The following CDKN2B-AS1 variants were observed in gnomAD, a reference collection of about 807,000 sequenced individuals.
CDKN2B-AS1 encodes CDKN2B antisense RNA 1 (non-protein coding).
intron 4 of CDKN2B-AS1, among the ~76,000 whole-genome samples, chr9:22,076,819 A>T (rs1425504068): frequency 6.6e-6 from 1 of 152,176 alleles, no homozygotes; most frequent in Non-Finnish European, 1.5e-5. Context: ...GAGCCTTGCG[A>T]GTAGCTGGGA....
intron 4 of CDKN2B-AS1, among the ~76,000 whole-genome samples, chr9:22,084,108 C>A (rs186273759): frequency 2.0e-5 from 3 of 152,100 alleles, no homozygotes; most frequent in Admixed American, 1.3e-4. Flanking sequence ...TTCACACCAA[C>A]AATTGTTAAA....
At chr9:22,068,548 T>C (rs2131310739) in intron 4 of CDKN2B-AS1, among the ~76,000 whole-genome samples, 1 of 152,128 alleles carries the variant, frequency 6.6e-6, no homozygotes, top group Non-Finnish European at 1.5e-5. Flanking sequence ...ATCTAAAAGG[T>C]GTAGTTTCTG....
At chr9:22,017,421 A>G (rs1341011921) in intron 1 of CDKN2B-AS1, among the ~76,000 whole-genome samples, 1 of 152,214 alleles carries the variant, frequency 6.6e-6, no homozygotes, top group Non-Finnish European at 1.5e-5. Context: ...CACAAACCCA[A>G]CTGAATTCGG....
intron 4 of CDKN2B-AS1, among the ~76,000 whole-genome samples, chr9:22,124,951 G>A (rs1587558492): frequency 6.6e-6 from 1 of 152,334 alleles, no homozygotes; most frequent in South Asian, 2.1e-4. Flanking sequence ...ACACATACTA[G>A]CATAAAACAT....
At chr9:22,008,643 G>T in intron 1 of CDKN2B-AS1, 1 of 1,597,296 alleles carries the variant, frequency 6.3e-7, no homozygotes, top group Non-Finnish European at 8.5e-7. Flanking sequence ...TTTTTGCTGG[G>T]TAAAAGCCTG....
At chr9:22,017,635 C>G (rs1270034437) in intron 1 of CDKN2B-AS1, among the ~76,000 whole-genome samples, 2 of 152,112 alleles carry the variant, frequency 1.3e-5, no homozygotes, top group East Asian at 1.9e-4. Flanking sequence ...GCTTGTGTAC[C>G]TTGTCACATC....
intron 4 of CDKN2B-AS1, among the ~76,000 whole-genome samples, chr9:22,096,023 C>T (rs1418492859): frequency 6.6e-6 from 1 of 152,062 alleles, no homozygotes; most frequent in East Asian, 1.9e-4. Context: ...CAAAAAGCTT[C>T]TCCCCCGTGG....
At chr9:22,103,137 G>A (rs1359479988) in intron 4 of CDKN2B-AS1, among the ~76,000 whole-genome samples, 1 of 108,042 alleles carries the variant, frequency 9.3e-6, no homozygotes, top group Admixed American at 8.9e-5. Context: ...ACAGATGTGT[G>A]TGTGTGTGTG....
At chr9:22,068,538 A>G (rs1563960750) in intron 4 of CDKN2B-AS1, among the ~76,000 whole-genome samples, 1 of 152,170 alleles carries the variant, frequency 6.6e-6, no homozygotes, top group African/African-American at 2.4e-5. Context: ...TACAGAAGGA[A>G]TCTAAAAGGT....
At chr9:22,089,930 A>G (rs1825010015) in intron 4 of CDKN2B-AS1, among the ~76,000 whole-genome samples, 1 of 148,786 alleles carries the variant, frequency 6.7e-6, no homozygotes, top group African/African-American at 2.5e-5. Context: ...GCACCCAGTA[A>G]CTCGTCATTT....
chr9:22,034,777 G>T (rs1472369645), intron 1 of CDKN2B-AS1, among the ~76,000 whole-genome samples: 1 of 152,082 alleles, frequency 6.6e-6, no homozygotes, highest in Non-Finnish European at 1.5e-5. Flanking sequence ...TTGTAATAAA[G>T]ACTCACCCAT....
chr9:22,014,624 T>A (rs2131207116), intron 1 of CDKN2B-AS1, among the ~76,000 whole-genome samples: 1 of 152,220 alleles, frequency 6.6e-6, no homozygotes, highest in African/African-American at 2.4e-5. Context: ...TTATTATTAT[T>A]ATACTTTAAG....
chr9:22,003,762 T>G (rs966918523), intron 1 of CDKN2B-AS1: 6 of 232,250 alleles, frequency 2.6e-5, no homozygotes, highest in African/African-American at 1.3e-4. Flanking sequence ...GGGGGGGTTA[T>G]TCTCCATATT....
At chr9:22,118,966 T>C (rs1317269845) in intron 4 of CDKN2B-AS1, 1 of 152,194 alleles carries the variant, frequency 6.6e-6, no homozygotes, top group Non-Finnish European at 1.5e-5. Flanking sequence ...TATCTGACCA[T>C]TGTACTTAGG....
At chr9:22,077,660 T>G (rs981073144) in intron 4 of CDKN2B-AS1, 1 of 152,230 alleles carries the variant, frequency 6.6e-6, no homozygotes, top group South Asian at 2.1e-4. Context: ...TTGGTCACAT[T>G]TAGCTCCTTT....
At chr9:22,104,746 C>T (rs1016744609) in intron 4 of CDKN2B-AS1, among the ~76,000 whole-genome samples, 1 of 152,046 alleles carries the variant, frequency 6.6e-6, no homozygotes, top group Admixed American at 6.5e-5. Context: ...TTCTAGGTGC[C>T]AGGCATTGAA....
intron 1 of CDKN2B-AS1, among the ~76,000 whole-genome samples, chr9:22,036,971 C>G (rs1254113041): frequency 6.6e-6 from 1 of 152,030 alleles, no homozygotes; most frequent in Non-Finnish European, 1.5e-5. Context: ...CATCAATGTA[C>G]CAGTTTGGCT....
chr9:22,043,039 C>T lies in CDKN2B-AS1; in HGVS notation n.30-3712C>T, dbSNP rs530748162. ...TAATTCTATCTGTTTTTATTTTTAG[C>T]GTCTTTTCTCTCCATCCCCCAAATT... On this transcript the variant is annotated intron_variant and non_coding_transcript_variant, in intron 1 of 4. Coordinates refer to ENST00000650946, the Ensembl canonical transcript of CDKN2B-AS1. 7.9e-5 allele frequency among the ~76,000 whole-genome samples: 12 copies of T among 152,096 alleles called. No individual in the cohort carries two copies. The South Asian group carries it at 2.3e-3, about 29-fold the overall frequency.
intron 1 of CDKN2B-AS1, among the ~76,000 whole-genome samples, chr9:22,036,536 T>A (rs1822695971): frequency 6.6e-6 from 1 of 152,136 alleles, no homozygotes; most frequent in South Asian, 2.1e-4. Context: ...ATTTTTATAC[T>A]TCCATGCTAG....
Sources: gnomAD v4.1 joint callset for allele counts (sites outside exome capture counted in the v4.1 genomes callset) on GRCh38, gnomAD v4.1.1 for gene constraint, MANE v1.5 for transcripts, NCBI Gene and HGNC (gene_info 2026-07-23, HGNC 2026-07-21) for gene names.